Variants in OAS3 observed in about 807,000 individuals in gnomAD.
OAS3 encodes the protein 2'-5'-oligoadenylate synthetase 3.
In OAS3, 107 loss-of-function variants were observed where a neutral mutation model predicts 113.0. The observed-to-expected ratio is 0.95, with a 90% CI of 0.81 to 1.11. The LOEUF (loss-of-function observed/expected upper bound fraction) is 1.11, where lower values mean the gene tolerates loss of function less well. Ranked by LOEUF, OAS3 falls within the 50% of genes most tolerant of loss-of-function variation. The pLI, the probability that OAS3 is intolerant of heterozygous loss-of-function variation, is 0.00. For synonymous variants in OAS3, 552 were observed against 573.6 expected (o/e 0.96, Z 0.54); for missense variants, 1,258 against 1,389.1 (o/e 0.91, Z 1.50).
chr12:112,951,839 CAAAAAAAAA>C (rs3038125), intron 7 of OAS3, among the ~76,000 whole-genome samples: 16,453 of 105,980 alleles, frequency 0.16, 912 homozygotes, highest in Middle Eastern at 0.22. Context: ...ACTAAAAATA[CAAAAAAAAA>C]AAAAAAAAAA....
chr12:112,957,466 G>A (rs1047774594), intron 7 of OAS3, among the ~76,000 whole-genome samples: 2 of 152,184 alleles, frequency 1.3e-5, no homozygotes, highest in African/African-American at 4.8e-5. Flanking sequence ...TTTTGCAGTG[G>A]CTGGTACCGA....
intron 8 of OAS3, among the ~76,000 whole-genome samples, chr12:112,961,835 A>G (rs1487215425): frequency 6.6e-6 from 1 of 151,444 alleles, no homozygotes; most frequent in Non-Finnish European, 1.5e-5. Context: ...TCCCTTTGTC[A>G]TCCAGGCTGG....
chr12:112,942,126 T>C (rs1253831038), intron 2 of OAS3: 4 of 592,276 alleles, frequency 6.8e-6, no homozygotes, highest in Non-Finnish European at 1.2e-5. Context: ...CTGGAGCGGT[T>C]ACTGCTCAGC....
Position 112,961,114 on chromosome 12 carries a change from G to C in OAS3, c.1701G>C (p.Ser567=), listed in dbSNP as rs2072136. Residue 567 remains serine (S), a synonymous_variant, in exon 8 of 16, where the codon TCG becomes TCC. Transcript: ENST00000228928. ...SGTKPNPQVY[S]RLLTSGCQEG... ...CCAAACCAAATCCCCAGGTCTACTC[G>C]AGGCTCCTCACCAGTGGCTGCCAGG... is the stretch of plus-strand genomic sequence containing the variant. The C allele has an allele frequency of 5.6e-6, 9 of 1,612,940 alleles. No individual in the cohort carries two copies. Among genetic ancestry groups the C allele is most frequent in the Non-Finnish European group, 7.6e-6 (9 of 1,179,662 alleles).
At position 112,963,864 on chromosome 12, in the gene OAS3, G is replaced by A. The variant is rs2043910868; in HGVS notation, c.2230-371G>A. On this transcript the variant is annotated intron_variant, in intron 10 of 15. Transcript: ENST00000228928. The surrounding 1 kb of genome is among the most constrained non-coding windows in gnomAD (Gnocchi z 4.6). ...TCATATGCACAAGAATTCCTGCCAT[G>A]GACCCTGCTTCTAGGAAAACTGAGA... Among the ~76,000 whole-genome samples, 1 of 152,134 alleles carries A rather than the reference G, an allele frequency of 6.6e-6. No individual in the cohort carries two copies. The highest frequency in any genetic ancestry group is 2.1e-4 in the South Asian group (1 of 4,824).
At chr12:112,968,529 G>T (rs2043956701) in intron 14 of OAS3, among the ~76,000 whole-genome samples, 1 of 152,028 alleles carries the variant, frequency 6.6e-6, no homozygotes, top group Non-Finnish European at 1.5e-5. Context: ...TGTTGTTGTT[G>T]TTGTTTGTTT....
In OAS3 at chr12:112,949,212, TG is replaced by T; in HGVS notation, c.1374+10del. 1 of 1,579,258 alleles carries T rather than the reference TG, an allele frequency of 6.3e-7. No individual in the cohort carries two copies. On this transcript the variant is annotated splice_region_variant and intron_variant, in intron 6 of 15. Transcript: ENST00000228928. Reference sequence around the variant, plus strand: ...GGCCTCAAGAGTCAGTAAAGTGAGTTGGGCCAGTGGAGACACAGGGGGGACC... The same window carrying T: ...GGCCTCAAGAGTCAGTAAAGTGAGTTGGCCAGTGGAGACACAGGGGGGACC...
chr12:112,944,598 C>G lies in OAS3; in HGVS notation c.583C>G (p.Arg195Gly). The G allele has an allele frequency of 6.2e-7, 1 of 1,614,070 alleles. No individual in the cohort carries two copies. The highest frequency in any genetic ancestry group is 8.5e-7 in the Non-Finnish European group (1 of 1,179,894). Residue 195 changes from arginine to glycine, a missense_variant, in exon 3 of 16, where the codon CGC (arginine) becomes GGC (glycine). Physicochemically the swap from Arg to Gly is moderately radical, Grantham distance 125. Transcript: ENST00000228928. ...TELRRNFVNI[R>G]PAKLKNLILL... ...GCTGCGGAGGAACTTTGTGAACATT[C>G]GCCCAGCCAAGTTGAAGAACCTAAT...
chr12:112,964,216 A>T lies in OAS3; in HGVS notation c.2230-19A>T, dbSNP rs1263612114. On this transcript the variant is annotated intron_variant, in intron 10 of 15. Transcript: ENST00000228928. ...GGGAGTCCCGTCTCAAGCTGGCCCC[A>T]CCTGGATTCTCTCTGCAGCCAGCCC... 1.3e-6 allele frequency: 2 copies of T among 1,567,130 alleles called. No individual in the cohort carries two copies. The highest frequency in any genetic ancestry group is 1.2e-5 in the South Asian group (1 of 84,812).
At position 112,948,087 on chromosome 12, in the gene OAS3, T is replaced by C. The variant is rs748560749; in HGVS notation, c.1017T>C (p.Ser339=). 3 of 1,540,564 alleles carry C rather than the reference T, an allele frequency of 1.9e-6. No homozygotes were observed. Among genetic ancestry groups the C allele is most frequent in the Non-Finnish European group, 2.6e-6 (3 of 1,144,996 alleles). The change falls in exon 5 of 16, where the codon TCT becomes TCC. Residue 339 remains serine (S), a synonymous_variant. Transcript: ENST00000228928. ...GGGGGATGGGGGACCCAGTGCAGTC[T>C]TGGAAGGGGCCGGTAAGTGAGGGGG... ...FLRGMGDPVQ[S]WKGPGLPRAG...
intron 1 of OAS3, among the ~76,000 whole-genome samples, chr12:112,940,052 G>C (rs549770533): frequency 2.6e-5 from 4 of 152,164 alleles, no homozygotes; most frequent in Non-Finnish European, 5.9e-5. Context: ...GGTGGGAGGG[G>C]GTTCTGGAGC....
chr12:112,967,968 A>C lies in OAS3; in HGVS notation c.2898A>C (p.Leu966=). ...AGATCTCCAAGGGGAGAGGCTCCCT[A>C]CCCCCACAGCACGGGCTGGAACTCC... is the stretch of plus-strand genomic sequence containing the variant. ...CTKISKGRGS[L]PPQHGLELLT... is the part of the protein sequence containing the mutation. Residue 966 remains leucine (L), a synonymous_variant, in exon 14 of 16, where the codon CTA becomes CTC. Transcript: ENST00000228928. The C allele has an allele frequency of 6.2e-7, 1 of 1,613,672 alleles. No individual in the cohort carries two copies. Among genetic ancestry groups the C allele is most frequent in the Non-Finnish European group, 8.5e-7 (1 of 1,179,806 alleles).
rs2136358241 is a variant in OAS3 at position 112,962,702 on chromosome 12, A to G, written c.1884A>G (p.Pro628=). 1 of 1,613,956 alleles carries G rather than the reference A, an allele frequency of 6.2e-7. No individual in the cohort carries two copies. The highest frequency in any genetic ancestry group is 8.5e-7 in the Non-Finnish European group (1 of 1,179,880). The change falls in exon 9 of 16, where the codon CCA becomes CCG. Residue 628 remains proline (P), a synonymous_variant. Coordinates refer to ENST00000228928, the MANE Select transcript of OAS3 (RefSeq NM_006187.4). ...GACCAGCCCCTGCCTCTCTGCCCCC[A>G]GCCTATGCCCTGGAGCTCCTCACCA... ...GKGPAPASLP[P]AYALELLTIF... is the part of the protein sequence containing the mutation.
At chr12:112,962,940 T>G in intron 9 of OAS3, 38 bp downstream of exon 9, 1 of 1,606,536 alleles carries the variant, frequency 6.2e-7, no homozygotes, top group East Asian at 2.2e-5. Flanking sequence ...TTCATTATCC[T>G]CCCCCTCCCC....
chr12:112,968,385 A>G (rs3937435), intron 14 of OAS3, among the ~76,000 whole-genome samples: 26,255 of 152,212 alleles, frequency 0.17, 2,404 homozygotes, highest in East Asian at 0.33. Flanking sequence ...CCCAAGTTAA[A>G]TTTGAATTTC....
At chr12:112,944,375 C>T in intron 2 of OAS3, 101 bp from the exon 3 acceptor site, 1 of 1,276,372 alleles carries the variant, frequency 7.8e-7, no homozygotes, top group South Asian at 1.2e-5. Flanking sequence ...CTGAATTCTT[C>T]CCACTCTCTC....
chr12:112,963,543 A>G lies in OAS3; in HGVS notation c.2229+86A>G, dbSNP rs564313078. The G allele has an allele frequency of 4.6e-6, 6 of 1,308,168 alleles. No homozygotes were observed. In the East Asian group the frequency reaches 1.5e-4, roughly 32 times the overall value. The allele number at this position is 1,308,168 out of a possible 1,614,324, so 81.0% of individuals were successfully genotyped here. A position where few individuals can be genotyped will look rare whatever the true frequency, so the allele number is the denominator to read the frequency against. ...TTAACCTGCCGGTGCACCCATCCCC[A>G]GCTGCTAGGAGTGTTGGTGGCTGAC... On this transcript the variant is annotated intron_variant, in intron 10 of 15. Transcript: ENST00000228928. This position sits in a 1 kb window ranked among gnomAD's most constrained non-coding sequence, Gnocchi z 4.6.
intron 6 of OAS3, 158 bp from the exon 7 acceptor site, chr12:112,950,535 T>A: frequency 1.3e-6 from 1 of 784,112 alleles, no homozygotes; most frequent in Non-Finnish European, 2.1e-6. Context: ...TTCTAAGAGG[T>A]CACAGGACCC....
intron 3 of OAS3, 153 bp downstream of exon 3, chr12:112,944,804 T>G: frequency 1.2e-6 from 1 of 802,972 alleles, no homozygotes; most frequent in Non-Finnish European, 2.0e-6. Flanking sequence ...TCTCTTGGGT[T>G]AGCTGTCTTG....
Sources: allele counts gnomAD v4.1 joint callset (sites outside exome capture counted in the v4.1 genomes callset), GRCh38; gene constraint gnomAD v4.1.1; non-coding constraint Gnocchi (gnomAD v3.1); transcripts MANE v1.5; gene names NCBI Gene and HGNC (gene_info 2026-07-23, HGNC 2026-07-21).